Variants in ARHGAP20 observed in about 807,000 individuals in gnomAD.
The protein encoded by ARHGAP20 is rho GTPase-activating protein 20.
Under a neutral mutation model 73.7 loss-of-function variants are expected in ARHGAP20, and 34 were observed. That is an observed-to-expected ratio of 0.46 (90% CI 0.35 to 0.61). The LOEUF (loss-of-function observed/expected upper bound fraction) is 0.61. ARHGAP20 is among the 20% of genes least tolerant of loss of function. The pLI is 0.00. For synonymous variants in ARHGAP20, 523 were observed against 518.2 expected, an observed-to-expected ratio of 1.01 and a Z score of -0.13; for missense variants, 1,314 against 1,420.9, an observed-to-expected ratio of 0.92 and a Z score of 1.21.
chr11:110,681,004 G>A (rs951654021), intron 2 of ARHGAP20, among the ~76,000 whole-genome samples: 3 of 152,118 alleles, frequency 2.0e-5, no homozygotes, highest in Middle Eastern at 6.3e-3. Context: ...AAAAAGTGGG[G>A]TTTTGCAGGC....
intron 9 of ARHGAP20, among the ~76,000 whole-genome samples, chr11:110,604,706 A>G (rs1948184272): frequency 6.6e-6 from 1 of 152,136 alleles, no homozygotes; most frequent in African/African-American, 2.4e-5. Context: ...AGAGTCCAAA[A>G]CCTCAATTTA....
chr11:110,687,006 A>G (rs2135107891), intron 2 of ARHGAP20, among the ~76,000 whole-genome samples: 1 of 149,016 alleles, frequency 6.7e-6, no homozygotes, highest in East Asian at 2.0e-4. Flanking sequence ...ATCTAGAGAA[A>G]CTTGCAGGAA....
chr11:110,584,705 C>CTGAT (rs1947574891), intron 12 of ARHGAP20, among the ~76,000 whole-genome samples: 1 of 151,990 alleles, frequency 6.6e-6, no homozygotes, highest in Admixed American at 6.6e-5. Flanking sequence ...TTATAACTAA[C>CTGAT]TGATAGCAGT....
At chr11:110,595,247 CCT>C (rs1947926939) in intron 9 of ARHGAP20, among the ~76,000 whole-genome samples, 1 of 152,066 alleles carries the variant, frequency 6.6e-6, no homozygotes, top group African/African-American at 2.4e-5. Flanking sequence ...ACAGGGATGC[CCT>C]CTCTCACCAC....
chr11:110,662,465 T>TACC (rs1481889149), intron 2 of ARHGAP20, among the ~76,000 whole-genome samples: 1 of 151,960 alleles, frequency 6.6e-6, no homozygotes, highest in Admixed American at 6.6e-5. Flanking sequence ...TATTAGGATA[T>TACC]ACCGTAAAGA....
chr11:110,675,871 T>C (rs997905264), intron 2 of ARHGAP20, among the ~76,000 whole-genome samples: 17 of 152,310 alleles, frequency 1.1e-4, no homozygotes, highest in Middle Eastern at 3.4e-3. Flanking sequence ...ATTATAACAC[T>C]TATAGTCTAT....
At chr11:110,650,170 TG>T (rs767745712) in intron 2 of ARHGAP20, among the ~76,000 whole-genome samples, 1 of 152,154 alleles carries the variant, frequency 6.6e-6, no homozygotes, top group Non-Finnish European at 1.5e-5. Flanking sequence ...CTATATGCCA[TG>T]TTTCCCCAGC....
chr11:110,665,131 AT>A (rs2135053749), intron 2 of ARHGAP20, among the ~76,000 whole-genome samples: 1 of 152,366 alleles, frequency 6.6e-6, no homozygotes, highest in South Asian at 2.1e-4. Context: ...ATTAAAAAAC[AT>A]TTTGAATGGG....
intron 6 of ARHGAP20, among the ~76,000 whole-genome samples, chr11:110,613,663 T>G (rs1948419815): frequency 6.6e-6 from 1 of 152,128 alleles, no homozygotes; most frequent in Non-Finnish European, 1.5e-5. Context: ...GTTTTTGTTT[T>G]GTTTTGTTTT....
At chr11:110,638,174 G>A (rs1180092091) in intron 2 of ARHGAP20, among the ~76,000 whole-genome samples, 1 of 151,662 alleles carries the variant, frequency 6.6e-6, no homozygotes, top group East Asian at 1.9e-4. Context: ...TCCATACTTG[G>A]CCTCAAGTAT....
intron 8 of ARHGAP20, among the ~76,000 whole-genome samples, chr11:110,608,524 G>T (rs1006155499): frequency 7.2e-5 from 11 of 152,120 alleles, no homozygotes; most frequent in Non-Finnish European, 1.5e-4. Context: ...TCTTAGGAAG[G>T]TTCTGGGTAC....
chr11:110,630,996 T>C (rs185690971), intron 2 of ARHGAP20, among the ~76,000 whole-genome samples: 2 of 152,214 alleles, frequency 1.3e-5, no homozygotes, highest in Non-Finnish European at 2.9e-5. Context: ...TAAACACATG[T>C]ATATGTATCT....
chr11:110,712,566 C>G (rs2135171818), upstream of ARHGAP20: 1 of 152,888 alleles, frequency 6.5e-6, no homozygotes, highest in East Asian at 1.9e-4. Context: ...CCCTCCTAGC[C>G]TCGTCCCAGC....
chr11:110,579,599 T>C lies in ARHGAP20; in HGVS notation c.3347A>G (p.Gln1116Arg), dbSNP rs765747510. 1.2e-6 allele frequency: 2 copies of C among 1,614,072 alleles called. No homozygotes were observed. The highest frequency in any genetic ancestry group is 2.2e-5 in the East Asian group (1 of 44,874). Reference sequence around the variant, plus strand: ...AGAGCTACAGTGTCTCTCTGAGTCCTGGAAGGGAGAAGAACTACACCTTTG... The same window carrying C: ...AGAGCTACAGTGTCTCTCTGAGTCCCGGAAGGGAGAAGAACTACACCTTTG... ...SAQRCSSSPF[Q>R]DSERHCSSPF... The change falls in exon 15 of 15, where the codon CAG (glutamine) becomes CGG (arginine). Residue 1116 changes from glutamine to arginine, a missense_variant. By Grantham distance (43) the Gln-to-Arg change is conservative. Transcript: ENST00000683387.
In ARHGAP20 at chr11:110,580,157, C is replaced by A. The variant is rs1156765710; in HGVS notation, c.2789G>T (p.Cys930Phe). ...TAAGCTGGAATAGCTGGTCCTTGGG[C>A]AAAGGTTTAATCTTGGGGGTAAAAC... ...EKVLPPRLNL[C>F]PRTSYSSLSS... Residue 930 changes from cysteine (C) to phenylalanine (F), a missense_variant, in exon 15 of 15, where the codon TGC (cysteine) becomes TTC (phenylalanine). By Grantham distance (205) the Cys-to-Phe change is radical. Coordinates refer to ENST00000683387, the MANE Select transcript of ARHGAP20 (RefSeq NM_001384657.1). 1 of 1,614,010 alleles carries A rather than the reference C, an allele frequency of 6.2e-7. No homozygotes were observed. The highest frequency in any genetic ancestry group is 1.3e-5 in the African/African-American group (1 of 74,906).
intron 2 of ARHGAP20, among the ~76,000 whole-genome samples, chr11:110,648,484 AT>A (rs34339794): frequency 0.19 from 25,077 of 131,358 alleles, 2,230 homozygotes; most frequent in South Asian, 0.28. Context: ...CATAACATGA[AT>A]TTTTTTTTTT....
intron 8 of ARHGAP20, among the ~76,000 whole-genome samples, chr11:110,608,179 G>C (rs1360837339): frequency 2.6e-5 from 4 of 152,166 alleles, no homozygotes; most frequent in Admixed American, 1.3e-4. Context: ...AATATGCTCT[G>C]CACGATGTCT....
chr11:110,659,516 T>C (rs1949550993), intron 2 of ARHGAP20, among the ~76,000 whole-genome samples: 1 of 151,974 alleles, frequency 6.6e-6, no homozygotes, highest in African/African-American at 2.4e-5. Flanking sequence ...AGGTTGCCTG[T>C]TCACTCTGAT....
At position 110,624,150 on chromosome 11, in the gene ARHGAP20, T is replaced by C. The variant is rs7128565; in HGVS notation, c.503+12A>G. 6.0e-3 allele frequency: 9,623 copies of C among 1,607,756 alleles called. 282 individuals carry two copies. In the African/African-American group the frequency reaches 0.083, roughly 14 times the overall value. ...TAACCCAGGTAAATAGAGGACAAGC[T>C]GTGGTTCTTACCTGAAAGTGGCCAC... is the stretch of plus-strand genomic sequence containing the variant. On this transcript the variant is annotated intron_variant, in intron 4 of 14. Transcript: ENST00000683387.
Sources: gnomAD v4.1 joint callset for allele counts (sites outside exome capture counted in the v4.1 genomes callset) on GRCh38, gnomAD v4.1.1 for gene constraint, MANE v1.5 for transcripts, NCBI Gene and HGNC (gene_info 2026-07-23, HGNC 2026-07-21) for gene names.